Variants in ABAT observed in about 807,000 individuals in gnomAD.
ABAT encodes 4-aminobutyrate aminotransferase, mitochondrial.
Under a neutral mutation model 64.6 loss-of-function variants are expected in ABAT, and 45 were observed. The observed-to-expected ratio is 0.70, with a 90% confidence interval of 0.55 to 0.89. ABAT has a LOEUF of 0.89. Ranked by LOEUF, ABAT falls within the 40% of genes least tolerant of loss-of-function variation. The probability of loss-of-function intolerance (pLI) is 0.00; values close to 1 mark genes in which losing one functional copy is unlikely to be tolerated. For missense variants in ABAT, 633 were observed against 658.4 expected, an observed-to-expected ratio of 0.96 and a Z score of 0.42; for synonymous variants, 297 against 250.5, an observed-to-expected ratio of 1.19 and a Z score of -1.75.
At chr16:8,774,801 AG>A in intron 12 of ABAT, 88 bp from the exon 13 acceptor site, 1 of 1,520,698 alleles carries the variant, frequency 6.6e-7, no homozygotes, top group South Asian at 1.1e-5. Context: ...GTGTGGACCC[AG>A]GGTTTGGCAG....
intron 1 of ABAT, among the ~76,000 whole-genome samples, chr16:8,707,188 T>A (rs1007479652): frequency 1.1e-4 from 16 of 151,818 alleles, no homozygotes; most frequent in Non-Finnish European, 1.5e-4. Context: ...AATAATCACT[T>A]TTTTTGTTGT....
rs1337073289 is a variant in ABAT, at chr16:8,776,956, T to G, written c.1269+466T>G. ...GCTTTGTACCCAGGCTGGAGTGCAGTGGCGCAATCTCAGCTCACCGCAACC... is the reference window on the plus strand; with the variant it reads ...GCTTTGTACCCAGGCTGGAGTGCAGGGGCGCAATCTCAGCTCACCGCAACC... On this transcript the variant is annotated intron_variant, in intron 14 of 15. Transcript: ENST00000268251. This position sits in a 1 kb window ranked among gnomAD's most constrained non-coding sequence, Gnocchi z 4.4. Among the ~76,000 whole-genome samples the G allele has an allele frequency of 3.3e-5, 5 of 152,178 alleles. No individual in the cohort carries two copies. The highest frequency in any genetic ancestry group is 9.7e-5 in the African/African-American group (4 of 41,440).
At chr16:8,734,246 A>T (rs2058845764) in intron 1 of ABAT, among the ~76,000 whole-genome samples, 1 of 152,166 alleles carries the variant, frequency 6.6e-6, no homozygotes, top group Non-Finnish European at 1.5e-5. Flanking sequence ...ACTTCTCCCC[A>T]TTATAATGAT....
intron 1 of ABAT, among the ~76,000 whole-genome samples, chr16:8,731,781 C>G (rs1352063765): frequency 2.0e-5 from 3 of 152,108 alleles, no homozygotes; most frequent in Admixed American, 6.6e-5. Flanking sequence ...AACTGAAACT[C>G]CAAACACACT....
intron 1 of ABAT, chr16:8,731,642 TTTTA>T (rs1387933651): frequency 6.6e-6 from 1 of 152,076 alleles, no homozygotes; most frequent in African/African-American, 2.4e-5. Flanking sequence ...CTTTTTTTTT[TTTTA>T]ATTGTTATTT....
chr16:8,761,005 G>A (rs1324143865), intron 6 of ABAT, among the ~76,000 whole-genome samples: 8 of 152,298 alleles, frequency 5.3e-5, no homozygotes, highest in African/African-American at 1.9e-4. Context: ...CTTGAGCCCA[G>A]GAAGTCATTG....
chr16:8,724,173 T>C (rs1245565203), intron 1 of ABAT, among the ~76,000 whole-genome samples: 2 of 151,878 alleles, frequency 1.3e-5, no homozygotes, highest in South Asian at 4.2e-4. Flanking sequence ...CAGGCTCAAA[T>C]ACCACCTCCA....
At chr16:8,738,727 C>T (rs765665272) in intron 2 of ABAT, among the ~76,000 whole-genome samples, 4 of 151,228 alleles carry the variant, frequency 2.6e-5, no homozygotes, top group Non-Finnish European at 5.9e-5. Context: ...TCACTGCAAC[C>T]TCCACCTCCC....
At chr16:8,694,392 G>C (rs2057656183) in intron 1 of ABAT, among the ~76,000 whole-genome samples, 1 of 151,282 alleles carries the variant, frequency 6.6e-6, no homozygotes, top group Admixed American at 6.6e-5. Context: ...TTGTTTGTTT[G>C]TTTTGTTTTG....
intron 1 of ABAT, among the ~76,000 whole-genome samples, chr16:8,718,451 C>T (rs904132537): frequency 5.9e-5 from 9 of 152,284 alleles, no homozygotes; most frequent in Admixed American, 2.0e-4. Flanking sequence ...ATTAATCTGA[C>T]GGATGGGACT....
intron 5 of ABAT, among the ~76,000 whole-genome samples, chr16:8,755,182 G>A (rs1466091350): frequency 6.6e-6 from 1 of 151,808 alleles, no homozygotes; most frequent in African/African-American, 2.4e-5. Context: ...AGTCCTGGTT[G>A]GCCCCACTGG....
At chr16:8,696,724 C>G (rs2057711599) in intron 1 of ABAT, among the ~76,000 whole-genome samples, 1 of 152,134 alleles carries the variant, frequency 6.6e-6, no homozygotes, top group African/African-American at 2.4e-5. Flanking sequence ...CCCATGGGAC[C>G]ATTACAGGAG....
At chr16:8,771,035 C>G (rs2060090802) in intron 11 of ABAT, among the ~76,000 whole-genome samples, 2 of 152,114 alleles carry the variant, frequency 1.3e-5, no homozygotes, top group South Asian at 2.1e-4. Context: ...GTGGCTCATG[C>G]CTGTAACTGC....
chr16:8,733,078 AC>A (rs1289051031), intron 1 of ABAT, among the ~76,000 whole-genome samples: 24 of 127,600 alleles, frequency 1.9e-4, no homozygotes, highest in African/African-American at 8.3e-4. Context: ...CGGGGGGCTG[AC>A]CCCCCCACCT....
At chr16:8,693,713 C>A (rs554202166) in intron 1 of ABAT, among the ~76,000 whole-genome samples, 186 of 152,342 alleles carry the variant, frequency 1.2e-3, no homozygotes, top group African/African-American at 4.3e-3. Context: ...AAGTGATCTG[C>A]CTGCCTCAGC....
At chr16:8,675,977 A>G (rs1258481758) in intron 1 of ABAT, among the ~76,000 whole-genome samples, 2 of 151,590 alleles carry the variant, frequency 1.3e-5, no homozygotes, top group African/African-American at 4.8e-5. Context: ...TGGGGAGGAG[A>G]CAGTGTTGGC....
intron 1 of ABAT, among the ~76,000 whole-genome samples, chr16:8,679,452 A>G (rs1440071189): frequency 1.3e-5 from 2 of 151,828 alleles, no homozygotes; most frequent in Admixed American, 1.3e-4. Flanking sequence ...ACCTCAGGCC[A>G]GCCACTTTAA....
At chr16:8,728,886 T>G (rs1460183401) in intron 1 of ABAT, among the ~76,000 whole-genome samples, 1 of 151,992 alleles carries the variant, frequency 6.6e-6, no homozygotes, top group Non-Finnish European at 1.5e-5. Flanking sequence ...AACAAAGAGT[T>G]TGGTTTCTCA....
intron 1 of ABAT, among the ~76,000 whole-genome samples, chr16:8,690,062 A>G (rs974020192): frequency 1.3e-5 from 2 of 152,236 alleles, no homozygotes; most frequent in African/African-American, 2.4e-5. Flanking sequence ...AAGAATGTGT[A>G]TGGCAACCCC....
Sources: allele counts gnomAD v4.1 joint callset (sites outside exome capture counted in the v4.1 genomes callset), GRCh38; gene constraint gnomAD v4.1.1; non-coding constraint Gnocchi (gnomAD v3.1); transcripts MANE v1.5; gene names NCBI Gene and HGNC (gene_info 2026-07-23, HGNC 2026-07-21).